KLC1: variants seen among roughly 807,000 people sequenced by gnomAD.
KLC1 encodes kinesin 2 60/70kDa.
In KLC1, 30 loss-of-function variants were observed where a neutral mutation model predicts 84.2. That is an observed-to-expected ratio of 0.36 (90% CI 0.27 to 0.48). KLC1 has a LOEUF of 0.48. Among genes scored for constraint, KLC1 ranks in the 20% least tolerant of loss-of-function variants. The pLI is 0.99. For synonymous variants in KLC1, 289 were observed against 293.3 expected (o/e 0.99, Z 0.15); for missense variants, 499 against 805.4 (o/e 0.62, Z 4.60).
chr14:103,644,380 T>C (rs2077736067), intron 1 of KLC1, among the ~76,000 whole-genome samples: 1 of 151,672 alleles, frequency 6.6e-6, no homozygotes, highest in African/African-American at 2.4e-5. Context: ...TGCCTCAGCT[T>C]CCCGAGTAGC....
intron 3 of KLC1, among the ~76,000 whole-genome samples, chr14:103,661,063 A>T (rs2079244758): frequency 6.6e-6 from 1 of 152,138 alleles, no homozygotes; most frequent in Non-Finnish European, 1.5e-5. Flanking sequence ...TTCTTCTGAA[A>T]CCTGTTCACA....
intron 1 of KLC1, among the ~76,000 whole-genome samples, chr14:103,638,166 C>G (rs530952252): frequency 1.3e-5 from 2 of 152,070 alleles, no homozygotes; most frequent in Non-Finnish European, 2.9e-5. Flanking sequence ...GCCCATCTCT[C>G]GGTAAAACAT....
At chr14:103,631,022 G>T (rs2076634360) in intron 1 of KLC1, among the ~76,000 whole-genome samples, 1 of 152,122 alleles carries the variant, frequency 6.6e-6, no homozygotes, top group African/African-American at 2.4e-5. Flanking sequence ...ATGACACTGG[G>T]GAGAGGCACA....
intron 14 of KLC1, chr14:103,687,641 C>T (rs1422159180): frequency 6.5e-6 from 1 of 152,818 alleles, no homozygotes; most frequent in Non-Finnish European, 1.5e-5. Flanking sequence ...TATATTAAAT[C>T]TCATACAGTA....
Position 103,642,760 on chromosome 14 carries a change from G to T in KLC1, c.-1-11804G>T, listed in dbSNP as rs139920744. Reference sequence around the variant, plus strand: ...AATAAAATAAATAATGTAGTTTTTTGGTTTTTTGGTTTTTTTTTTTTTTTT... The same window carrying T: ...AATAAAATAAATAATGTAGTTTTTTTGTTTTTTGGTTTTTTTTTTTTTTTT... On this transcript the variant is annotated intron_variant, in intron 1 of 16. Transcript: ENST00000334553. Among the ~76,000 whole-genome samples the T allele has an allele frequency of 7.5e-4, 114 of 151,456 alleles. 1 individual carries two copies. The East Asian group carries it at 0.021, about 27-fold the overall frequency.
intron 7 of KLC1, 114 bp downstream of exon 7, chr14:103,670,397 C>T (rs1430885667): frequency 7.9e-6 from 5 of 635,962 alleles, no homozygotes; most frequent in Non-Finnish European, 1.3e-5. Context: ...AGTGCGGTGG[C>T]GTGATCTCGG....
chr14:103,686,248 C>T, intron 13 of KLC1: 1 of 983,946 alleles, frequency 1.0e-6, no homozygotes, highest in South Asian at 4.7e-5. Flanking sequence ...TGTCTGTCTG[C>T]TTGGTAGAAC....
chr14:103,659,325 T>C (rs1427037682), intron 3 of KLC1, among the ~76,000 whole-genome samples: 1 of 152,258 alleles, frequency 6.6e-6, no homozygotes, highest in African/African-American at 2.4e-5. Context: ...TTTACTTATT[T>C]TTAATTTTAA....
intron 9 of KLC1, among the ~76,000 whole-genome samples, chr14:103,674,790 T>C (rs543652668): frequency 3.9e-5 from 6 of 152,330 alleles, no homozygotes; most frequent in African/African-American, 1.4e-4. Flanking sequence ...TGTTTTTGTT[T>C]AGTGCTCACA....
chr14:103,635,280 A>G (rs868551867), intron 1 of KLC1, among the ~76,000 whole-genome samples: 4 of 152,154 alleles, frequency 2.6e-5, no homozygotes, highest in African/African-American at 7.2e-5. Flanking sequence ...GAAGTTCACT[A>G]TGCTGCTACT....
chr14:103,638,766 G>A (rs530458150), intron 1 of KLC1, among the ~76,000 whole-genome samples: 6 of 151,046 alleles, frequency 4.0e-5, no homozygotes, highest in Non-Finnish European at 8.8e-5. Context: ...TGTGAACATA[G>A]TGGTGTGTAT....
At chr14:103,638,893 G>A (rs890277565) in intron 1 of KLC1, among the ~76,000 whole-genome samples, 17 of 151,118 alleles carry the variant, frequency 1.1e-4, no homozygotes, top group Non-Finnish European at 4.4e-5. Flanking sequence ...ATGTGTGTGA[G>A]CACAAGGGTG....
At position 103,679,432 on chromosome 14, in the gene KLC1, C is replaced by T. The variant is rs373867965; in HGVS notation, c.1537C>T (p.Pro513Ser). Residue 513 changes from proline (P) to serine (S), a missense_variant, in exon 13 of 17, where the codon CCT becomes TCT. This residue lies in a region of KLC1 where 167 missense variants were observed against 208.8 expected (regional missense o/e 0.80). Coordinates refer to ENST00000334553, the MANE Select transcript of KLC1 (RefSeq NM_001394837.1). ...GAGGGTGGCAGAAGTGCTCAATGACCCTGAGAACATGGAGAAGCGCAGGAG... is the reference window on the plus strand; with the variant it reads ...GAGGGTGGCAGAAGTGCTCAATGACTCTGAGAACATGGAGAAGCGCAGGAG... ...KQRVAEVLND[P>S]ENMEKRRSRE... The T allele has an allele frequency of 3.6e-5, 58 of 1,613,968 alleles. 1 individual carries two copies. In the Middle Eastern group the frequency reaches 8.2e-4, roughly 23 times the overall value.
intron 13 of KLC1, chr14:103,685,036 G>T: frequency 6.6e-7 from 1 of 1,512,618 alleles, no homozygotes; most frequent in Non-Finnish European, 9.0e-7. Flanking sequence ...AGCGTCCCAT[G>T]GTGAGTCCGA....
At chr14:103,670,778 T>A (rs1306873757) in intron 7 of KLC1, among the ~76,000 whole-genome samples, 2 of 151,816 alleles carry the variant, frequency 1.3e-5, no homozygotes, top group Non-Finnish European at 2.9e-5. Flanking sequence ...CCCATACAAA[T>A]CAGTGTTTAA....
At chr14:103,648,241 G>A (rs1033578867) in intron 1 of KLC1, among the ~76,000 whole-genome samples, 3 of 152,078 alleles carry the variant, frequency 2.0e-5, no homozygotes, top group Non-Finnish European at 4.4e-5. Flanking sequence ...GAGCCACCGC[G>A]CCCAGCCTGT....
At chr14:103,700,401 C>A (rs2083069844) in intron 15 of KLC1, 2 of 434,446 alleles carry the variant, frequency 4.6e-6, no homozygotes, top group Middle Eastern at 1.2e-3. Context: ...GCTGGCCTGG[C>A]CTCTGACCGC....
At chr14:103,636,255 C>G (rs1372491336) in intron 1 of KLC1, among the ~76,000 whole-genome samples, 2 of 152,140 alleles carry the variant, frequency 1.3e-5, no homozygotes, top group Non-Finnish European at 2.9e-5. Flanking sequence ...GAGTTTCACT[C>G]TTGTTGCCCA....
intron 7 of KLC1, among the ~76,000 whole-genome samples, chr14:103,671,573 G>T (rs2080391623): frequency 6.6e-6 from 1 of 152,142 alleles, no homozygotes; most frequent in Non-Finnish European, 1.5e-5. Flanking sequence ...GTTTCACCAT[G>T]TTGGCCAGGC....
Sources: gnomAD v4.1 joint callset for allele counts (sites outside exome capture counted in the v4.1 genomes callset) on GRCh38, gnomAD v4.1.1 for gene constraint, gnomAD v4.1.1 regional missense constraint, MANE v1.5 for transcripts, NCBI Gene and HGNC (gene_info 2026-07-23, HGNC 2026-07-21) for gene names.